Variants in DCT observed in about 807,000 individuals in gnomAD.
The protein encoded by DCT is dopachrome tautomerase, also known as L-dopachrome tautomerase.
DCT carries 47 observed loss-of-function variants against 53.0 expected under a neutral mutation model. That is an observed-to-expected ratio of 0.89 (90% CI 0.70 to 1.13). DCT has a LOEUF of 1.13. Ranked by LOEUF, DCT falls within the 50% of genes most tolerant of loss-of-function variation. DCT has a pLI of 0.00. For missense variants in DCT, 669 were observed against 637.4 expected (o/e 1.05, Z -0.53); for synonymous variants, 244 against 237.0 (o/e 1.03, Z -0.27).
chr13:94,483,635 G>A (rs562466986), upstream of DCT, among the ~76,000 whole-genome samples: 1 of 152,158 alleles, frequency 6.6e-6, no homozygotes, highest in African/African-American at 2.4e-5. Flanking sequence ...TCGAGTACCT[G>A]GGACTACAGG....
rs748554211 is a variant in DCT at position 94,460,114 on chromosome 13, C to G, written c.1156G>C (p.Ala386Pro). ...LNGTNALPHS[A>P]ANDPIFVVLH... ...ACCACAAAAATGGGATCATTGGCGGCTGAATGTGGCAAAGCGTTTGTCCCG... is the reference window on the plus strand; with the variant it reads ...ACCACAAAAATGGGATCATTGGCGGGTGAATGTGGCAAAGCGTTTGTCCCG... The change falls in exon 6 of 8, where the codon GCC becomes CCC. Residue 386 changes from alanine to proline, a missense_variant. Transcript: ENST00000377028. 2 of 1,613,916 alleles carry G rather than the reference C, an allele frequency of 1.2e-6. No homozygotes were observed.
At position 94,440,087 on chromosome 13, in the gene DCT, A is replaced by G. The variant is rs113051266; in HGVS notation, c.1382-11T>C. On this transcript the variant is annotated splice_polypyrimidine_tract_variant and intron_variant, in intron 7 of 7. Transcript: ENST00000377028. ...TTTCTTCAACTGAAACTAAAGCAGA[A>G]GAGAAGGGTCTACAATCAGGATTTT... The G allele has an allele frequency of 6.1e-4, 975 of 1,610,652 alleles. 4 individuals are homozygous for G. In the African/African-American group the frequency reaches 9.8e-3, roughly 16 times the overall value.
intron 4 of DCT, among the ~76,000 whole-genome samples, chr13:94,463,859 T>C (rs188037238): frequency 6.6e-6 from 1 of 152,292 alleles, no homozygotes; most frequent in Non-Finnish European, 1.5e-5. Flanking sequence ...CTCCAAGGCC[T>C]CCCAGGCAGC....
At chr13:94,445,565 C>T in intron 6 of DCT, 1 of 615,410 alleles carries the variant, frequency 1.6e-6, no homozygotes, top group Non-Finnish European at 2.9e-6. Flanking sequence ...CCTAGTCAAG[C>T]CCTTCCAAAA....
the DCT span, among the ~76,000 whole-genome samples, chr13:94,514,886 C>T: frequency 1.1e-4 from 17 of 152,252 alleles, no homozygotes; most frequent in African/African-American, 3.6e-4. Context: ...TAGGTTTGTT[C>T]GGACTGAATG....
the DCT span, among the ~76,000 whole-genome samples, chr13:94,492,150 C>T: frequency 6.6e-6 from 1 of 152,178 alleles, no homozygotes; most frequent in African/African-American, 2.4e-5. Flanking sequence ...CTTAGCTCAT[C>T]GTTCTCCCAA....
the DCT span, among the ~76,000 whole-genome samples, chr13:94,544,348 GAGTC>G: frequency 6.6e-6 from 1 of 152,184 alleles, no homozygotes; most frequent in Non-Finnish European, 1.5e-5. Context: ...TTGGACTAGG[GAGTC>G]AGTGAAATAC....
chr13:94,498,969 C>T, the DCT span, among the ~76,000 whole-genome samples: 1 of 152,172 alleles, frequency 6.6e-6, no homozygotes, highest in African/African-American at 2.4e-5. Context: ...ATGGACCAAT[C>T]AGCACTCTGT....
the DCT span, among the ~76,000 whole-genome samples, chr13:94,489,176 G>A: frequency 6.6e-6 from 1 of 152,078 alleles, no homozygotes; most frequent in African/African-American, 2.4e-5. Context: ...TGCATGTATA[G>A]TACTTAGTTT....
chr13:94,537,915 T>C, the DCT span, among the ~76,000 whole-genome samples: 1 of 152,184 alleles, frequency 6.6e-6, no homozygotes, highest in Non-Finnish European at 1.5e-5. Context: ...TGACCCACCA[T>C]TGGCAGGATG....
the DCT span, among the ~76,000 whole-genome samples, chr13:94,548,335 T>C: frequency 1.3e-5 from 2 of 151,942 alleles, no homozygotes; most frequent in South Asian, 4.2e-4. Context: ...AATGAATGAA[T>C]AAGAGAGAAC....
chr13:94,539,559 C>A, the DCT span, among the ~76,000 whole-genome samples: 1 of 152,066 alleles, frequency 6.6e-6, no homozygotes, highest in Admixed American at 6.5e-5. Context: ...AGAAATAAAA[C>A]CAAATTTTTA....
chr13:94,492,699 C>G, the DCT span, among the ~76,000 whole-genome samples: 3 of 151,992 alleles, frequency 2.0e-5, no homozygotes, highest in African/African-American at 7.2e-5. Context: ...TTATAAGAAA[C>G]ATTGATTTTA....
At chr13:94,459,597 T>C (rs1883643669) in intron 6 of DCT, among the ~76,000 whole-genome samples, 2 of 152,154 alleles carry the variant, frequency 1.3e-5, no homozygotes, top group Non-Finnish European at 2.9e-5. Flanking sequence ...GCCTGGTTGA[T>C]TTCACCAGGC....
chr13:94,459,053 GT>G (rs61157944), intron 6 of DCT, among the ~76,000 whole-genome samples: 1 of 151,516 alleles, frequency 6.6e-6, no homozygotes, highest in East Asian at 2.0e-4. Context: ...ATTTGTAAAG[GT>G]TTTTGGTAGA....
chr13:94,504,528 C>T, the DCT span, among the ~76,000 whole-genome samples: 19 of 152,016 alleles, frequency 1.2e-4, no homozygotes, highest in South Asian at 4.2e-4. Context: ...CCACAATGCC[C>T]GGCTAATTTT....
At chr13:94,465,968 T>TTATATATATATATATA (rs3044355) in intron 3 of DCT, among the ~76,000 whole-genome samples, 169 bp from the exon 4 acceptor site, 6 of 77,830 alleles carry the variant, frequency 7.7e-5, no homozygotes, top group Admixed American at 3.5e-4. Context: ...TGTGTATATT[T>TTATATATATATATATA]TATATATATA....
chr13:94,489,982 T>C, the DCT span, among the ~76,000 whole-genome samples: 3 of 152,192 alleles, frequency 2.0e-5, no homozygotes, highest in African/African-American at 7.2e-5. Context: ...GCTATTCTGT[T>C]AGCCTTGGAA....
the DCT span, among the ~76,000 whole-genome samples, chr13:94,516,724 C>A: frequency 2.4e-4 from 37 of 152,056 alleles, no homozygotes; most frequent in Non-Finnish European, 4.3e-4. Context: ...GAGTCCACCC[C>A]CCCTCACCAT....
Sources: allele counts gnomAD v4.1 joint callset (sites outside exome capture counted in the v4.1 genomes callset), GRCh38; gene constraint gnomAD v4.1.1; transcripts MANE v1.5; gene names NCBI Gene and HGNC (gene_info 2026-07-23, HGNC 2026-07-21).